The following H4C13 variants were observed in gnomAD, a reference collection of about 807,000 sequenced individuals.
H4C13 encodes the protein histone H4.
Under a neutral mutation model 5.2 loss-of-function variants are expected in H4C13, and 11 were observed. That is an observed-to-expected ratio of 2.13 (90% confidence interval 1.34 to 3.52). The LOEUF is 3.52. Among genes scored for constraint, H4C13 ranks in the 30% most tolerant of loss-of-function variants. H4C13 has a pLI of 0.00. For missense variants in H4C13, 171 were observed against 146.8 expected (o/e 1.17, Z -0.85); for synonymous variants, 94 against 59.4 (o/e 1.58, Z -2.68).
Position 27,873,368 on chromosome 6 carries a change from G to GA in H4C13, c.142dup (p.Ser48PhefsTer13). 6.2e-7 allele frequency: 1 copy of GA among 1,614,284 alleles called. No homozygotes were observed. Among genetic ancestry groups the GA allele is most frequent in the South Asian group, 1.1e-5 (1 of 91,092 alleles). On this transcript the variant is annotated frameshift_variant, in exon 1 of 1. Coordinates refer to ENST00000618305, the MANE Select transcript of H4C13 (RefSeq NM_003546.3). LOFTEE classifies it high-confidence loss of function. Reference sequence around the variant, plus strand: ...GCGTGTCTCCTCGTATATAAGGCCTGAGATGCGCTTAACGCCTCCACGCCG... The same window carrying GA: ...GCGTGTCTCCTCGTATATAAGGCCTGAAGATGCGCTTAACGCCTCCACGCCG...
Position 27,873,269 on chromosome 6 carries a change from G to C in H4C13, c.242C>G (p.Thr81Arg). The change falls in exon 1 of 1, where the codon ACA (threonine) becomes AGA (arginine). Residue 81 changes from threonine (T) to arginine (R), a missense_variant. By Grantham distance (71) the Thr-to-Arg change is moderately conservative. Transcript: ENST00000618305. ...VTYTEHAKRKTVTAMDVVYAL... is the reference protein window; with the variant it reads ...VTYTEHAKRKRVTAMDVVYAL... ...GTAAACCACGTCCATGGCTGTGACT[G>C]TCTTGCGTTTGGCGTGCTCCGTGTA... is the stretch of plus-strand genomic sequence containing the variant. The C allele has an allele frequency of 6.2e-7, 1 of 1,614,286 alleles. No homozygotes were observed. The highest frequency in any genetic ancestry group is 8.5e-7 in the Non-Finnish European group (1 of 1,180,048).
Position 27,873,503 on chromosome 6 carries a change from C to A in H4C13, c.8G>T (p.Gly3Val), listed in dbSNP as rs769352299. MS[G>V]RGKGGKGLGK... is the part of the protein sequence containing the mutation. ...CAGACCCTTCCCGCCTTTGCCGCGC[C>A]CAGACATGTCTTGTACTAAACAAAA... is the stretch of plus-strand genomic sequence containing the variant. Residue 3 changes from glycine to valine, a missense_variant, in exon 1 of 1, where the codon GGG (glycine) becomes GTG (valine). Physicochemically the swap from Gly to Val is moderately radical, Grantham distance 109. Transcript: ENST00000618305. 37 of 1,609,932 alleles carry A rather than the reference C, an allele frequency of 2.3e-5. No individual in the cohort carries two copies. The South Asian group carries it at 3.3e-4, about 14-fold the overall frequency.
Position 27,873,424 on chromosome 6 carries a change from G to T in H4C13, c.87C>A (p.Gly29=). ...GGCGTCGGATGGCGGGCTTGGTGAT[G>T]CCCTGAATGTTGTCGCGCAGAACTT... is the stretch of plus-strand genomic sequence containing the variant. ...HRKVLRDNIQ[G]ITKPAIRRLA... The change falls in exon 1 of 1, where the codon GGC becomes GGA. Residue 29 remains glycine (G), a synonymous_variant. Coordinates refer to ENST00000618305, the MANE Select transcript of H4C13 (RefSeq NM_003546.3). 9 of 1,614,300 alleles carry T rather than the reference G, an allele frequency of 5.6e-6. No homozygotes were observed. The highest frequency in any genetic ancestry group is 7.6e-6 in the Non-Finnish European group (9 of 1,180,052).
Position 27,873,441 on chromosome 6 carries a change from G to A in H4C13, c.70C>T (p.Arg24Cys), listed in dbSNP as rs1272879304. The change falls in exon 1 of 1, where the codon CGC becomes TGC. Residue 24 changes from arginine to cysteine, a missense_variant. Transcript: ENST00000618305. ...TTGGTGATGCCCTGAATGTTGTCGCGCAGAACTTTGCGGTGGCGCTTAGCG... is the reference window on the plus strand; with the variant it reads ...TTGGTGATGCCCTGAATGTTGTCGCACAGAACTTTGCGGTGGCGCTTAGCG... ...GGAKRHRKVL[R>C]DNIQGITKPA... 6.2e-7 allele frequency: 1 copy of A among 1,614,248 alleles called. No individual in the cohort carries two copies. The highest frequency in any genetic ancestry group is 8.5e-7 in the Non-Finnish European group (1 of 1,180,028).
Position 27,873,217 on chromosome 6 carries a change from C to CA in H4C13, c.293dup (p.Tyr99ValfsTer?). The CA allele has an allele frequency of 9.9e-6, 16 of 1,614,140 alleles. No individual in the cohort carries two copies. Among genetic ancestry groups the CA allele is most frequent in the Non-Finnish European group, 1.3e-5 (15 of 1,179,970 alleles). On this transcript the variant is annotated frameshift_variant, in exon 1 of 1. Transcript: ENST00000618305. LOFTEE classifies it high-confidence loss of function. Reference sequence around the variant, plus strand: ...AAAACACTCAGCCGCCAAAGCCATACAGGGTGCGGCCCTGGCGCTTGAGCG... The same window carrying CA: ...AAAACACTCAGCCGCCAAAGCCATACAAGGGTGCGGCCCTGGCGCTTGAGCG...
chr6:27,873,426 C>T lies in H4C13; in HGVS notation c.85G>A (p.Gly29Ser), dbSNP rs774891674. ...CGTCGGATGGCGGGCTTGGTGATGC[C>T]CTGAATGTTGTCGCGCAGAACTTTG... ...HRKVLRDNIQ[G>S]ITKPAIRRLA... The change falls in exon 1 of 1, where the codon GGC (glycine) becomes AGC (serine). Residue 29 changes from glycine to serine, a missense_variant. Gly to Ser is a moderately conservative substitution (Grantham distance 56, BLOSUM62 0). Coordinates refer to ENST00000618305, the MANE Select transcript of H4C13 (RefSeq NM_003546.3). The T allele has an allele frequency of 1.2e-6, 2 of 1,614,158 alleles. No individual in the cohort carries two copies. Among genetic ancestry groups the T allele is most frequent in the South Asian group, 1.1e-5 (1 of 91,094 alleles).
Position 27,873,290 on chromosome 6 carries a change from G to A in H4C13, c.221C>T (p.Thr74Met), listed in dbSNP as rs751895604. The A allele has an allele frequency of 4.3e-6, 7 of 1,614,158 alleles. No individual in the cohort carries two copies. Residue 74 changes from threonine to methionine, a missense_variant, in exon 1 of 1, where the codon ACG becomes ATG. Coordinates refer to ENST00000618305, the MANE Select transcript of H4C13 (RefSeq NM_003546.3). ...ENVIRDAVTYTEHAKRKTVTA... is the reference protein window; with the variant it reads ...ENVIRDAVTYMEHAKRKTVTA... ...GACTGTCTTGCGTTTGGCGTGCTCC[G>A]TGTAGGTAACTGCATCGCGGATTAC...
Position 27,873,519 on chromosome 6 carries a change from C to G in H4C13, c.-9G>C, listed in dbSNP as rs373639490. Reference sequence around the variant, plus strand: ...TTGCCGCGCCCAGACATGTCTTGTACTAAACAAAATGCAACACGGCAAGCC... The same window carrying G: ...TTGCCGCGCCCAGACATGTCTTGTAGTAAACAAAATGCAACACGGCAAGCC... On this transcript the variant is annotated 5_prime_UTR_variant, in exon 1 of 1. Transcript: ENST00000618305. 8.2e-6 allele frequency: 13 copies of G among 1,592,688 alleles called. No individual in the cohort carries two copies. The South Asian group carries it at 1.3e-4, about 16-fold the overall frequency.
Position 27,873,265 on chromosome 6 carries a change from G to C in H4C13, c.246C>G (p.Val82=). The C allele has an allele frequency of 3.1e-6, 5 of 1,614,282 alleles. No individual in the cohort carries two copies. The highest frequency in any genetic ancestry group is 4.2e-6 in the Non-Finnish European group (5 of 1,180,038). The change falls in exon 1 of 1, where the codon GTC becomes GTG. Residue 82 remains valine, a synonymous_variant. Transcript: ENST00000618305. ...GCGCGTAAACCACGTCCATGGCTGT[G>C]ACTGTCTTGCGTTTGGCGTGCTCCG... ...TYTEHAKRKT[V]TAMDVVYALK...
rs375181706 is a variant in H4C13, at chr6:27,873,334, A to G, written c.177T>C (p.Leu59=). The G allele has an allele frequency of 1.2e-5, 19 of 1,614,158 alleles. No homozygotes were observed. The African/African-American group carries it at 1.5e-4, about 12-fold the overall frequency. The change falls in exon 1 of 1, where the codon CTT becomes CTC. Residue 59 remains leucine (L), a synonymous_variant. Transcript: ENST00000618305. ...GLIYEETRGV[L]KVFLENVIRD... Reference sequence around the variant, plus strand: ...GGATTACATTCTCCAAAAACACTTTAAGAACTCCGCGTGTCTCCTCGTATA... The same window carrying G: ...GGATTACATTCTCCAAAAACACTTTGAGAACTCCGCGTGTCTCCTCGTATA...
chr6:27,873,529 T>G lies in H4C13; in HGVS notation c.-19A>C, dbSNP rs752703187. The G allele has an allele frequency of 2.5e-6, 4 of 1,583,092 alleles. No individual in the cohort carries two copies. In the East Asian group the frequency reaches 6.8e-5, roughly 27 times the overall value. ...CAGACATGTCTTGTACTAAACAAAATGCAACACGGCAAGCCTCGCAGCAGT... is the reference window on the plus strand; with the variant it reads ...CAGACATGTCTTGTACTAAACAAAAGGCAACACGGCAAGCCTCGCAGCAGT... On this transcript the variant is annotated 5_prime_UTR_variant, in exon 1 of 1. Transcript: ENST00000618305.
In H4C13 at chr6:27,873,245, T is replaced by A. The variant is rs1222264051; in HGVS notation, c.266A>T (p.Tyr89Phe). ...RKTVTAMDVV[Y>F]ALKRQGRTLY... ...GGTGCGGCCCTGGCGCTTGAGCGCG[T>A]AAACCACGTCCATGGCTGTGACTGT... The change falls in exon 1 of 1, where the codon TAC becomes TTC. Residue 89 changes from tyrosine to phenylalanine, a missense_variant. Coordinates refer to ENST00000618305, the MANE Select transcript of H4C13 (RefSeq NM_003546.3). 4 of 1,614,278 alleles carry A rather than the reference T, an allele frequency of 2.5e-6. No individual in the cohort carries two copies. In the East Asian group the frequency reaches 8.9e-5, roughly 36 times the overall value.
chr6:27,873,458 C>A lies in H4C13; in HGVS notation c.53G>T (p.Arg18Leu). The change falls in exon 1 of 1, where the codon CGC (arginine) becomes CTC (leucine). Residue 18 changes from arginine to leucine, a missense_variant. Coordinates refer to ENST00000618305, the MANE Select transcript of H4C13 (RefSeq NM_003546.3). The stretch of plus-strand genomic sequence containing the variant: ...GTTGTCGCGCAGAACTTTGCGGTGG[C>A]GCTTAGCGCCTCCTTTGCCCAGACC... The part of the protein sequence containing the change: ...GKGLGKGGAK[R>L]HRKVLRDNIQ... The A allele has an allele frequency of 3.1e-6, 5 of 1,614,122 alleles. No individual in the cohort carries two copies. Among genetic ancestry groups the A allele is most frequent in the Non-Finnish European group, 4.2e-6 (5 of 1,179,978 alleles).
At position 27,873,285 on chromosome 6, in the gene H4C13, G is replaced by C; in HGVS notation, c.226C>G (p.His76Asp). The change falls in exon 1 of 1, where the codon CAC becomes GAC. Residue 76 changes from histidine to aspartate, a missense_variant. By Grantham distance (81) the His-to-Asp change is moderately conservative. Transcript: ENST00000618305. ...GCTGTGACTGTCTTGCGTTTGGCGT[G>C]CTCCGTGTAGGTAACTGCATCGCGG... ...VIRDAVTYTE[H>D]AKRKTVTAMD... 1.2e-6 allele frequency: 2 copies of C among 1,614,256 alleles called. No homozygotes were observed. Among genetic ancestry groups the C allele is most frequent in the Non-Finnish European group, 1.7e-6 (2 of 1,180,048 alleles).
Position 27,873,319 on chromosome 6 carries a change from C to A in H4C13, c.192G>T (p.Glu64Asp), listed in dbSNP as rs1369995595. ...AGGTAACTGCATCGCGGATTACATT[C>A]TCCAAAAACACTTTAAGAACTCCGC... ...ETRGVLKVFLENVIRDAVTYT... is the reference protein window; with the variant it reads ...ETRGVLKVFLDNVIRDAVTYT... Residue 64 changes from glutamate (E) to aspartate (D), a missense_variant, in exon 1 of 1, where the codon GAG (glutamate) becomes GAT (aspartate). Coordinates refer to ENST00000618305, the MANE Select transcript of H4C13 (RefSeq NM_003546.3). 6.2e-7 allele frequency: 1 copy of A among 1,614,262 alleles called. No individual in the cohort carries two copies.
In H4C13 at chr6:27,873,480, G is replaced by A. The variant is rs372118009; in HGVS notation, c.31C>T (p.Leu11=). Residue 11 remains leucine, a synonymous_variant, in exon 1 of 1, where the codon CTG becomes TTG. Coordinates refer to ENST00000618305, the MANE Select transcript of H4C13 (RefSeq NM_003546.3). MSGRGKGGKG[L]GKGGAKRHRK... is the part of the protein sequence containing the mutation. ...TGGCGCTTAGCGCCTCCTTTGCCCA[G>A]ACCCTTCCCGCCTTTGCCGCGCCCA... 5 of 1,612,644 alleles carry A rather than the reference G, an allele frequency of 3.1e-6. No individual in the cohort carries two copies. Among genetic ancestry groups the A allele is most frequent in the Non-Finnish European group, 3.4e-6 (4 of 1,179,154 alleles).
Position 27,873,354 on chromosome 6 carries a change from C to T in H4C13, c.157G>A (p.Glu53Lys), listed in dbSNP as rs1258149477. Residue 53 changes from glutamate (E) to lysine (K), a missense_variant, in exon 1 of 1, where the codon GAG (glutamate) becomes AAG (lysine). Transcript: ENST00000618305. ...GVKRISGLIY[E>K]ETRGVLKVFL... ...ACTTTAAGAACTCCGCGTGTCTCCTCGTATATAAGGCCTGAGATGCGCTTA... is the reference window on the plus strand; with the variant it reads ...ACTTTAAGAACTCCGCGTGTCTCCTTGTATATAAGGCCTGAGATGCGCTTA... 6 of 1,614,266 alleles carry T rather than the reference C, an allele frequency of 3.7e-6. No individual in the cohort carries two copies. Among genetic ancestry groups the T allele is most frequent in the Non-Finnish European group, 4.2e-6 (5 of 1,180,038 alleles).
Position 27,873,353 on chromosome 6 carries a change from T to A in H4C13, c.158A>T (p.Glu53Val). 1 of 1,614,266 alleles carries A rather than the reference T, an allele frequency of 6.2e-7. No homozygotes were observed. Among genetic ancestry groups the A allele is most frequent in the East Asian group, 2.2e-5 (1 of 44,884 alleles). The change falls in exon 1 of 1, where the codon GAG (glutamate) becomes GTG (valine). Residue 53 changes from glutamate (E) to valine (V), a missense_variant. Coordinates refer to ENST00000618305, the MANE Select transcript of H4C13 (RefSeq NM_003546.3). ...GVKRISGLIY[E>V]ETRGVLKVFL... ...CACTTTAAGAACTCCGCGTGTCTCCTCGTATATAAGGCCTGAGATGCGCTT... is the reference window on the plus strand; with the variant it reads ...CACTTTAAGAACTCCGCGTGTCTCCACGTATATAAGGCCTGAGATGCGCTT...
Position 27,873,461 on chromosome 6 carries a change from T to C in H4C13, c.50A>G (p.Lys17Arg). 1 of 1,614,128 alleles carries C rather than the reference T, an allele frequency of 6.2e-7. No individual in the cohort carries two copies. Among genetic ancestry groups the C allele is most frequent in the Non-Finnish European group, 8.5e-7 (1 of 1,179,970 alleles). ...GTCGCGCAGAACTTTGCGGTGGCGC[T>C]TAGCGCCTCCTTTGCCCAGACCCTT... ...GGKGLGKGGA[K>R]RHRKVLRDNI... Residue 17 changes from lysine to arginine, a missense_variant, in exon 1 of 1, where the codon AAG (lysine) becomes AGG (arginine). Physicochemically the swap from Lys to Arg is conservative, Grantham distance 26. Transcript: ENST00000618305.
Sources: allele counts gnomAD v4.1 joint callset, GRCh38; gene constraint gnomAD v4.1.1; transcripts MANE v1.5; gene names NCBI Gene and HGNC (gene_info 2026-07-23, HGNC 2026-07-21).